Variants in SLC24A3 observed in about 807,000 individuals in gnomAD.
The protein encoded by SLC24A3 is sodium/potassium/calcium exchanger 3.
SLC24A3 carries 28 observed loss-of-function variants against 75.8 expected under a neutral mutation model. The observed-to-expected ratio is 0.37, with a 90% confidence interval of 0.27 to 0.51. The LOEUF is 0.51. SLC24A3 is among the 20% of genes least tolerant of loss of function. SLC24A3 has a pLI of 0.94. For synonymous variants in SLC24A3, 372 were observed against 334.1 expected, an observed-to-expected ratio of 1.11 and a Z score of -1.24; for missense variants, 663 against 847.8, an observed-to-expected ratio of 0.78 and a Z score of 2.71.
At chr20:19,328,638 G>A (rs2122289098) in intron 2 of SLC24A3, among the ~76,000 whole-genome samples, 1 of 152,290 alleles carries the variant, frequency 6.6e-6, no homozygotes, top group South Asian at 2.1e-4. Flanking sequence ...AGAAGGTGAG[G>A]GGCGGGTGGA....
intron 3 of SLC24A3, among the ~76,000 whole-genome samples, chr20:19,520,057 G>C (rs4814866): frequency 1.3e-5 from 2 of 152,110 alleles, no homozygotes; most frequent in African/African-American, 4.8e-5. Context: ...CTTCTGGAAG[G>C]CAGATATTTC....
At chr20:19,221,199 A>C (rs1453239585) in intron 1 of SLC24A3, among the ~76,000 whole-genome samples, 1 of 152,194 alleles carries the variant, frequency 6.6e-6, no homozygotes, top group Non-Finnish European at 1.5e-5. Flanking sequence ...CTGGGATTAC[A>C]GGTGCGAGCC....
intron 2 of SLC24A3, among the ~76,000 whole-genome samples, chr20:19,360,508 A>G (rs768299060): frequency 2.6e-5 from 4 of 152,240 alleles, no homozygotes; most frequent in Non-Finnish European, 5.9e-5. Context: ...CCACCTGTGA[A>G]TAATATGCCA....
chr20:19,290,032 A>T (rs141719925), intron 2 of SLC24A3, among the ~76,000 whole-genome samples: 214 of 152,176 alleles, frequency 1.4e-3, no homozygotes, highest in African/African-American at 5.0e-3. Context: ...GCGCTCTCAG[A>T]TGTCTTAGGA....
chr20:19,592,469 C>G (rs554017267), intron 6 of SLC24A3, among the ~76,000 whole-genome samples: 1 of 152,250 alleles, frequency 6.6e-6, no homozygotes, highest in African/African-American at 2.4e-5. Context: ...AGTTCTGTTT[C>G]TTGGATTTAG....
At chr20:19,623,363 G>A (rs189624760) in intron 6 of SLC24A3, among the ~76,000 whole-genome samples, 3 of 152,196 alleles carry the variant, frequency 2.0e-5, no homozygotes, top group African/African-American at 7.2e-5. Flanking sequence ...ACCACCAGCA[G>A]CAAGCATGCT....
intron 8 of SLC24A3, among the ~76,000 whole-genome samples, chr20:19,671,301 A>C (rs1318062370): frequency 2.0e-5 from 3 of 152,252 alleles, no homozygotes; most frequent in Non-Finnish European, 4.4e-5. Context: ...GATAGGACAC[A>C]AGACAACATG....
At position 19,337,452 on chromosome 20, in the gene SLC24A3, GTAAA is replaced by G. The variant is rs60082767; in HGVS notation, c.271+56383_271+56386del. Among the ~76,000 whole-genome samples the G allele has an allele frequency of 2.2e-4, 33 of 150,810 alleles. 1 individual carries two copies. In the East Asian group the frequency reaches 2.3e-3, roughly 11 times the overall value. ...AGAGCGAAACTCCATCTCAAAATAA[GTAAA>G]TAAATAAATAAATAAATTAATTAAT... On this transcript the variant is annotated intron_variant, in intron 2 of 16. Coordinates refer to ENST00000328041, the MANE Select transcript of SLC24A3 (RefSeq NM_020689.4).
Position 19,464,929 on chromosome 20 carries a change from G to A in SLC24A3, c.272-50559G>A, listed in dbSNP as rs80124967. Among the ~76,000 whole-genome samples the A allele has an allele frequency of 1.2e-4, 19 of 152,320 alleles. No homozygotes were observed. The East Asian group carries it at 3.3e-3, about 26-fold the overall frequency. On this transcript the variant is annotated intron_variant, in intron 2 of 16. Coordinates refer to ENST00000328041, the MANE Select transcript of SLC24A3 (RefSeq NM_020689.4). The stretch of plus-strand genomic sequence containing the variant: ...CAGGATACTGCAGGCTGACAGCAGC[G>A]CTGTCCAGTGGATCTTTCTGGAGTG...
At chr20:19,475,750 C>T (rs1987951823) in intron 2 of SLC24A3, among the ~76,000 whole-genome samples, 1 of 152,088 alleles carries the variant, frequency 6.6e-6, no homozygotes, top group Non-Finnish European at 1.5e-5. Flanking sequence ...ATTTTTAAAT[C>T]ATTTTTTCAG....
At chr20:19,451,520 G>A (rs1233850770) in intron 2 of SLC24A3, among the ~76,000 whole-genome samples, 1 of 152,234 alleles carries the variant, frequency 6.6e-6, no homozygotes, top group Admixed American at 6.5e-5. Flanking sequence ...GCACAGTGCA[G>A]AGATGACTTG....
chr20:19,526,659 C>G (rs1331610426), intron 3 of SLC24A3, among the ~76,000 whole-genome samples: 1 of 152,224 alleles, frequency 6.6e-6, no homozygotes, highest in Non-Finnish European at 1.5e-5. Flanking sequence ...CCCCCACTAT[C>G]AGAGGGTCCA....
chr20:19,626,653 G>C (rs1328418295), intron 6 of SLC24A3, among the ~76,000 whole-genome samples: 7 of 152,118 alleles, frequency 4.6e-5, no homozygotes, highest in Non-Finnish European at 7.4e-5. Flanking sequence ...CTGGTGCTCT[G>C]TTTCTACCAC....
At chr20:19,577,564 T>G (rs1443243613) in intron 3 of SLC24A3, among the ~76,000 whole-genome samples, 1 of 152,118 alleles carries the variant, frequency 6.6e-6, no homozygotes, top group Non-Finnish European at 1.5e-5. Flanking sequence ...GTGAAAATAT[T>G]ACAAAATATA....
At chr20:19,691,837 C>T (rs148154603) in intron 12 of SLC24A3, among the ~76,000 whole-genome samples, 21 of 152,280 alleles carry the variant, frequency 1.4e-4, no homozygotes, top group African/African-American at 4.8e-4. Flanking sequence ...GAGCTCGGTG[C>T]TGCTGTATAC....
chr20:19,364,912 G>T (rs1421853675), intron 2 of SLC24A3, among the ~76,000 whole-genome samples: 1 of 152,156 alleles, frequency 6.6e-6, no homozygotes, highest in South Asian at 2.1e-4. Context: ...AGCAGCAGGA[G>T]AAATGAAAGG....
intron 6 of SLC24A3, among the ~76,000 whole-genome samples, chr20:19,608,462 C>G (rs2122660390): frequency 6.6e-6 from 1 of 152,272 alleles, no homozygotes; most frequent in East Asian, 1.9e-4. Flanking sequence ...TAAAGTCAGT[C>G]CTTTAATATC....
intron 1 of SLC24A3, among the ~76,000 whole-genome samples, chr20:19,213,884 G>A (rs1206346388): frequency 6.6e-6 from 1 of 152,172 alleles, no homozygotes; most frequent in Non-Finnish European, 1.5e-5. Flanking sequence ...TATCCCGGCC[G>A]TGGAAGTGGC....
intron 2 of SLC24A3, among the ~76,000 whole-genome samples, chr20:19,499,708 G>A (rs968015991): frequency 3.9e-5 from 6 of 152,082 alleles, no homozygotes; most frequent in African/African-American, 1.4e-4. Context: ...GGGGAGTAGG[G>A]TATTCAGTCC....
Sources: allele counts gnomAD v4.1 joint callset (sites outside exome capture counted in the v4.1 genomes callset), GRCh38; gene constraint gnomAD v4.1.1; transcripts MANE v1.5; gene names NCBI Gene and HGNC (gene_info 2026-07-23, HGNC 2026-07-21).